The following RIMS2 variants were observed in gnomAD, a reference collection of about 807,000 sequenced individuals.
RIMS2 encodes regulating synaptic membrane exocytosis 2, also known as regulating synaptic membrane exocytosis protein 2.
Under a neutral mutation model 174.4 loss-of-function variants are expected in RIMS2, and 59 were observed. The ratio of observed to expected loss-of-function variants is 0.34; its 90% CI spans 0.27 to 0.42. The LOEUF (loss-of-function observed/expected upper bound fraction) is 0.42, where lower values mean the gene tolerates loss of function less well. Among genes scored for constraint, RIMS2 ranks in the 10% least tolerant of loss-of-function variants. The pLI is 1.00. For missense variants in RIMS2, 1,620 were observed against 1,666.3 expected (o/e 0.97, Z 0.48); for synonymous variants, 606 against 572.5 (o/e 1.06, Z -0.84).
chr8:103,760,958 A>G (rs1024848568), intron 2 of RIMS2, among the ~76,000 whole-genome samples: 2 of 152,364 alleles, frequency 1.3e-5, no homozygotes, highest in East Asian at 3.9e-4. Context: ...ATTAATTTTT[A>G]TGGCAAATTA....
intron 1 of RIMS2, among the ~76,000 whole-genome samples, chr8:103,557,487 C>G (rs1407874486): frequency 6.6e-6 from 1 of 152,134 alleles, no homozygotes; most frequent in African/African-American, 2.4e-5. Context: ...TGGTTTTAGA[C>G]TTTGTGATAT....
chr8:103,810,232 C>A (rs943776511), intron 3 of RIMS2, among the ~76,000 whole-genome samples: 1 of 152,136 alleles, frequency 6.6e-6, no homozygotes, highest in African/African-American at 2.4e-5. Context: ...TGCCTCTAAG[C>A]TGAGCCTCCT....
chr8:103,818,996 T>C (rs947163474), intron 3 of RIMS2, among the ~76,000 whole-genome samples: 5 of 152,088 alleles, frequency 3.3e-5, no homozygotes, highest in African/African-American at 4.8e-5. Context: ...GTTGCTGGAG[T>C]TGTTTTTCAG....
intron 3 of RIMS2, among the ~76,000 whole-genome samples, chr8:103,840,908 G>A (rs1055552833): frequency 5.9e-5 from 9 of 152,046 alleles, no homozygotes; most frequent in Admixed American, 3.9e-4. Flanking sequence ...GAACTTACTC[G>A]TATCAGAAAT....
rs183741440 is a variant in RIMS2 at position 104,071,638 on chromosome 8, G to A, written c.3334+57023G>A. Among the ~76,000 whole-genome samples, 1,197 of 152,142 alleles carry A rather than the reference G, an allele frequency of 7.9e-3. 19 individuals are homozygous for A. Among genetic ancestry groups the A allele is most frequent in the Non-Finnish European group, 6.9e-3 (470 of 67,998 alleles). Reference sequence around the variant, plus strand: ...ATTTTAGTAGAGACGGGGTTTCACCGTGTTAGCCAGGATGGTCTCAATCTA... The same window carrying A: ...ATTTTAGTAGAGACGGGGTTTCACCATGTTAGCCAGGATGGTCTCAATCTA... On this transcript the variant is annotated intron_variant, in intron 19 of 23. Transcript: ENST00000504942.
intron 17 of RIMS2, among the ~76,000 whole-genome samples, chr8:103,990,417 A>G (rs1236886140): frequency 1.3e-5 from 2 of 152,116 alleles, no homozygotes; most frequent in Non-Finnish European, 2.9e-5. Flanking sequence ...AAGAAATTAT[A>G]TGTAAGAAGT....
rs536650512 is a variant in RIMS2, at chr8:103,943,039, T to C, written c.2701+113T>C. 9.3e-6 allele frequency: 7 copies of C among 750,690 alleles called. No individual in the cohort carries two copies. The South Asian group carries it at 1.3e-4, about 14-fold the overall frequency. The allele number at this position is 750,690 out of a possible 1,614,324, so 46.5% of individuals were successfully genotyped here. ...GTGAATATTAATAGTCATTTGTTAG[T>C]GTTTCCATAGCTATGAATTGTTTGA... is the stretch of plus-strand genomic sequence containing the variant. On this transcript the variant is annotated intron_variant, in intron 14 of 23. Coordinates refer to ENST00000504942, the Ensembl canonical transcript of RIMS2.
intron 19 of RIMS2, among the ~76,000 whole-genome samples, chr8:104,108,084 G>A (rs2098111920): frequency 6.6e-6 from 1 of 151,408 alleles, no homozygotes; most frequent in African/African-American, 2.4e-5. Context: ...TTGGTTGGTT[G>A]GTTGATTTAC....
chr8:103,502,182 A>G (rs1465899266), intron 1 of RIMS2, among the ~76,000 whole-genome samples: 1 of 152,196 alleles, frequency 6.6e-6, no homozygotes, highest in African/African-American at 2.4e-5. Flanking sequence ...GAAATATACA[A>G]TTGAAAGTGT....
chr8:103,636,473 A>G (rs2096075689), intron 1 of RIMS2, among the ~76,000 whole-genome samples: 1 of 151,436 alleles, frequency 6.6e-6, no homozygotes, highest in African/African-American at 2.4e-5. Flanking sequence ...TGAAGGTTGT[A>G]TAGATCTGTG....
intron 4 of RIMS2, among the ~76,000 whole-genome samples, chr8:103,902,792 G>A (rs2073464452): frequency 6.6e-6 from 1 of 152,060 alleles, no homozygotes. Context: ...AATCCTCTTA[G>A]TGAAGCATAT....
intron 2 of RIMS2, among the ~76,000 whole-genome samples, chr8:103,717,916 C>A (rs2097394516): frequency 6.6e-6 from 1 of 152,112 alleles, no homozygotes; most frequent in African/African-American, 2.4e-5. Flanking sequence ...GACTGAGAAA[C>A]TGAATTTTAA....
At chr8:103,933,277 A>AGGCAGG (rs2080402893) in intron 12 of RIMS2, among the ~76,000 whole-genome samples, 1 of 139,236 alleles carries the variant, frequency 7.2e-6, no homozygotes, top group African/African-American at 2.7e-5. Flanking sequence ...TGGGCAACAG[A>AGGCAGG]TCGAGACTCT....
At chr8:103,707,739 G>GGCTT (rs1446909125) in intron 2 of RIMS2, among the ~76,000 whole-genome samples, 1 of 152,282 alleles carries the variant, frequency 6.6e-6, no homozygotes, top group African/African-American at 2.4e-5. Context: ...ACAGTACAGG[G>GGCTT]GCTTGCCCAA....
chr8:104,087,789 G>T (rs1015543392), intron 19 of RIMS2, among the ~76,000 whole-genome samples: 1 of 152,080 alleles, frequency 6.6e-6, no homozygotes, highest in Non-Finnish European at 1.5e-5. Flanking sequence ...ACCAACAAGG[G>T]AGAAAATTCA....
At chr8:104,134,743 G>A (rs1187545836) in intron 19 of RIMS2, among the ~76,000 whole-genome samples, 1 of 152,122 alleles carries the variant, frequency 6.6e-6, no homozygotes, top group Admixed American at 6.5e-5. Context: ...ATATCATTTT[G>A]TCCCTTCTTA....
intron 1 of RIMS2, among the ~76,000 whole-genome samples, chr8:103,532,122 T>A (rs890204961): frequency 1.1e-4 from 16 of 152,244 alleles, no homozygotes; most frequent in Non-Finnish European, 2.2e-4. Flanking sequence ...AGCTTTGTTA[T>A]GTTCCCAGTT....
intron 4 of RIMS2, among the ~76,000 whole-genome samples, chr8:103,890,978 T>C (rs2099241319): frequency 6.6e-6 from 1 of 151,970 alleles, no homozygotes; most frequent in South Asian, 2.1e-4. Flanking sequence ...GGCCTCTACC[T>C]ACTAGATGCC....
At chr8:104,093,753 G>T (rs988652411) in intron 19 of RIMS2, 110 bp downstream of exon 24, 33 of 809,824 alleles carry the variant, frequency 4.1e-5, no homozygotes, top group Admixed American at 1.3e-4. Flanking sequence ...ATATTTTAAA[G>T]CCAGGGGAGC....
Sources: gnomAD v4.1 joint callset for allele counts (sites outside exome capture counted in the v4.1 genomes callset) on GRCh38, gnomAD v4.1.1 for gene constraint, MANE v1.5 for transcripts, NCBI Gene and HGNC (gene_info 2026-07-23, HGNC 2026-07-21) for gene names.